The following AGBL5 variants were observed in gnomAD, a reference collection of about 807,000 sequenced individuals.
The protein encoded by AGBL5 is AGBL carboxypeptidase 5, also known as cytosolic carboxypeptidase-like protein 5.
Under a neutral mutation model 88.0 loss-of-function variants are expected in AGBL5, and 51 were observed. The ratio of observed to expected loss-of-function variants is 0.58; its 90% CI spans 0.46 to 0.73. The LOEUF (loss-of-function observed/expected upper bound fraction) is 0.73, where lower values mean the gene tolerates loss of function less well. Among genes scored for constraint, AGBL5 ranks in the 30% least tolerant of loss-of-function variants. The pLI is 0.00. For missense variants in AGBL5, 1,031 were observed against 1,162.2 expected (o/e 0.89, Z 1.64); for synonymous variants, 446 against 438.8 (o/e 1.02, Z -0.21).
At chr2:27,052,877 C>T (rs1293035898) in intron 1 of AGBL5, 36 bp from the exon 2 acceptor site, 2 of 1,282,170 alleles carry the variant, frequency 1.6e-6, no homozygotes, top group African/African-American at 3.0e-5. Flanking sequence ...ATTTGTCTTC[C>T]CTTTCCTCCT....
intron 11 of AGBL5, among the ~76,000 whole-genome samples, chr2:27,064,070 T>G (rs1171295683): frequency 6.6e-6 from 1 of 152,202 alleles, no homozygotes; most frequent in African/African-American, 2.4e-5. Context: ...AACTATTTCC[T>G]CTATCAAGTT....
Position 27,053,414 on chromosome 2 carries a change from C to A in AGBL5, c.228C>A (p.Tyr76Ter). The change falls in exon 3 of 15, where the codon TAC (tyrosine) becomes TAA (stop). Residue 76 changes from tyrosine to a stop codon, truncating the protein, a stop_gained. Coordinates refer to ENST00000360131, the MANE Select transcript of AGBL5 (RefSeq NM_021831.6). LOFTEE classifies it high-confidence loss of function. This position sits in a 1 kb window ranked among gnomAD's most constrained non-coding sequence, Gnocchi z 4.9. Reference sequence around the variant, plus strand: ...CTCTGGTCCTCAGGTCATGGTTCTACTTCAGCGTCCGGGGAGGAATGCCAG... The same window carrying A: ...CTCTGGTCCTCAGGTCATGGTTCTAATTCAGCGTCCGGGGAGGAATGCCAG... ...EFENGNRSWFYFSVRGGMPGK... is the reference protein window; with the variant it reads ...EFENGNRSWF The A allele has an allele frequency of 6.2e-7, 1 of 1,614,090 alleles. No homozygotes were observed. The highest frequency in any genetic ancestry group is 8.5e-7 in the Non-Finnish European group (1 of 1,179,986).
intron 11 of AGBL5, among the ~76,000 whole-genome samples, chr2:27,064,916 G>C (rs765912831): frequency 1.3e-5 from 2 of 151,744 alleles, no homozygotes; most frequent in South Asian, 4.2e-4. Flanking sequence ...ACCACGCCTG[G>C]CTAATTTTTT....
intron 12 of AGBL5, 38 bp downstream of exon 12, chr2:27,067,684 C>A: frequency 6.2e-7 from 1 of 1,602,420 alleles, no homozygotes; most frequent in South Asian, 1.1e-5. Context: ...GGTTTGCCAG[C>A]CTCCTCCATG....
chr2:27,065,397 C>T (rs1021530276), intron 11 of AGBL5, among the ~76,000 whole-genome samples: 1 of 152,114 alleles, frequency 6.6e-6, no homozygotes, highest in Non-Finnish European at 1.5e-5. Flanking sequence ...GAGACAGCTG[C>T]CCCAAAGGAT....
rs190093166 is a variant in AGBL5 at position 27,070,350 on chromosome 2, C to T, written c.*87C>T. 4.9e-4 allele frequency: 676 copies of T among 1,392,384 alleles called. No homozygotes were observed. In the African/African-American group the frequency reaches 8.5e-3, roughly 18 times the overall value. 86.3% of individuals were successfully genotyped at this position (1,392,384 alleles called of 1,614,324 possible). ...CTAGTTCCCCTCCAGGCCGCTGATT[C>T]CATGTGACAGCCGTTAAGTCCTTGG... On this transcript the variant is annotated 3_prime_UTR_variant, in exon 15 of 15. Transcript: ENST00000360131.
upstream of AGBL5, among the ~76,000 whole-genome samples, chr2:27,051,248 G>A (rs1668113775): frequency 2.0e-5 from 3 of 152,318 alleles, no homozygotes; most frequent in Non-Finnish European, 2.9e-5. Flanking sequence ...CGCTCGCTTA[G>A]CATGCGAGAG....
Position 27,055,814 on chromosome 2 carries a change from C to T in AGBL5, c.1041C>T (p.Ser347=). 1 of 1,614,206 alleles carries T rather than the reference C, an allele frequency of 6.2e-7. No homozygotes were observed. The highest frequency in any genetic ancestry group is 1.3e-5 in the African/African-American group (1 of 75,038). The stretch of plus-strand genomic sequence containing the variant: ...ACTCTCGTCTGAACTCCCAGAGTTC[C>T]TCTGAGCACCAGCCCAGTTCCTGTC... ...HVHSRLNSQS[S]SEHQPSSCLP... is the part of the protein sequence containing the mutation. Residue 347 remains serine, a synonymous_variant, in exon 7 of 15, where the codon TCC becomes TCT. Transcript: ENST00000360131.
At position 27,053,405 on chromosome 2, in the gene AGBL5, A is replaced by T. The variant is rs771661363; in HGVS notation, c.219A>T (p.Ser73=). 1 of 1,613,982 alleles carries T rather than the reference A, an allele frequency of 6.2e-7. No homozygotes were observed. ...TCTCTCTTACTCTGGTCCTCAGGTC[A>T]TGGTTCTACTTCAGCGTCCGGGGAG... The part of the protein sequence containing the change: ...AETEFENGNR[S]WFYFSVRGGM... Residue 73 remains serine, a synonymous_variant, in exon 3 of 15, where the codon TCA becomes TCT. Coordinates refer to ENST00000360131, the MANE Select transcript of AGBL5 (RefSeq NM_021831.6). This position sits in a 1 kb window ranked among gnomAD's most constrained non-coding sequence, Gnocchi z 4.9.
intron 9 of AGBL5, 60 bp downstream of exon 9, chr2:27,057,498 A>C (rs1472263767): frequency 2.0e-6 from 3 of 1,522,756 alleles, no homozygotes; most frequent in Non-Finnish European, 2.7e-6. Flanking sequence ...AAAGGCCTTC[A>C]CTCTTAGTGC....
chr2:27,055,424 T>G, intron 6 of AGBL5, 171 bp downstream of exon 6: 1 of 1,019,862 alleles, frequency 9.8e-7, no homozygotes, highest in Non-Finnish European at 1.4e-6. Context: ...CTAGTGGCAC[T>G]CCCAGAAAGG....
At chr2:27,061,978 A>G (rs1668738554) in intron 11 of AGBL5, among the ~76,000 whole-genome samples, 1 of 151,758 alleles carries the variant, frequency 6.6e-6, no homozygotes, top group Non-Finnish European at 1.5e-5. Flanking sequence ...ACGCCCAACA[A>G]ATTTTTTGTA....
chr2:27,056,239 G>A, intron 7 of AGBL5, 101 bp downstream of exon 7: 4 of 1,311,228 alleles, frequency 3.1e-6, no homozygotes. Flanking sequence ...GTAGCTTTCT[G>A]GAAGGAAGGC....
Position 27,053,429 on chromosome 2 carries a change from A to T in AGBL5, c.243A>T (p.Gly81=). 6.2e-7 allele frequency: 1 copy of T among 1,614,064 alleles called. No homozygotes were observed. Among genetic ancestry groups the T allele is most frequent in the East Asian group, 2.2e-5 (1 of 44,874 alleles). The part of the protein sequence containing the change: ...NRSWFYFSVR[G]GMPGKLIKIN... Reference sequence around the variant, plus strand: ...CATGGTTCTACTTCAGCGTCCGGGGAGGAATGCCAGGAAAACTCATCAAGA... The same window carrying T: ...CATGGTTCTACTTCAGCGTCCGGGGTGGAATGCCAGGAAAACTCATCAAGA... Residue 81 remains glycine, a synonymous_variant, in exon 3 of 15, where the codon GGA becomes GGT. Transcript: ENST00000360131. The surrounding 1 kb of genome is among the most constrained non-coding windows in gnomAD (Gnocchi z 4.9).
chr2:27,070,232 C>G lies in AGBL5; in HGVS notation c.2630C>G (p.Ser877Cys). The change falls in exon 15 of 15, where the codon TCT becomes TGT. Residue 877 changes from serine to cysteine, a missense_variant. Ser to Cys is a moderately radical substitution (Grantham distance 112, BLOSUM62 -1). Around this residue, in one of 2 missense-constraint regions of AGBL5, gnomAD observed 491 missense variants for 484.0 expected, o/e 1.01. Transcript: ENST00000360131. ...GQPEVCFVPK[S>C]PPLTVSPRV is the part of the protein sequence containing the mutation. ...CCTGAGGTTTGTTTTGTCCCTAAATCTCCCCCACTGACTGTTTCTCCCCGG... is the reference window on the plus strand; with the variant it reads ...CCTGAGGTTTGTTTTGTCCCTAAATGTCCCCCACTGACTGTTTCTCCCCGG... The G allele has an allele frequency of 6.2e-7, 1 of 1,614,220 alleles. No individual in the cohort carries two copies. Among genetic ancestry groups the G allele is most frequent in the Non-Finnish European group, 8.5e-7 (1 of 1,180,032 alleles).
At chr2:27,050,909 T>G (rs1423539946), upstream of AGBL5, 1 of 152,188 alleles carries the variant, frequency 6.6e-6, no homozygotes, top group African/African-American at 2.4e-5. Flanking sequence ...AATTCAATTA[T>G]CCCATAAGGG....
At chr2:27,065,349 G>A (rs1393262680) in intron 11 of AGBL5, among the ~76,000 whole-genome samples, 1 of 152,070 alleles carries the variant, frequency 6.6e-6, no homozygotes, top group East Asian at 1.9e-4. Context: ...CCACCCTTCA[G>A]AACTTGTAGT....
At chr2:27,063,214 G>C (rs1019523563) in intron 11 of AGBL5, among the ~76,000 whole-genome samples, 3 of 152,198 alleles carry the variant, frequency 2.0e-5, no homozygotes, top group Non-Finnish European at 4.4e-5. Flanking sequence ...TATGCCCTTA[G>C]CATCTAGTCC....
chr2:27,059,317 C>T lies in AGBL5; in HGVS notation c.2002C>T (p.Pro668Ser). The stretch of plus-strand genomic sequence containing the variant: ...ACAGATGAAGAATTCCCCCAGCTTT[C>T]CTTTTCATGGCAGTCGGCCTGCAGG... ...SPQMKNSPSF[P>S]FHGSRPAGLP... Residue 668 changes from proline (P) to serine (S), a missense_variant, in exon 11 of 15, where the codon CCT (proline) becomes TCT (serine). Transcript: ENST00000360131. 6.2e-7 allele frequency: 1 copy of T among 1,614,242 alleles called. No homozygotes were observed. The highest frequency in any genetic ancestry group is 1.6e-4 in the Middle Eastern group (1 of 6,062).
Sources: gnomAD v4.1 joint callset for allele counts (sites outside exome capture counted in the v4.1 genomes callset) on GRCh38, gnomAD v4.1.1 for gene constraint, gnomAD v4.1.1 regional missense constraint, Gnocchi (gnomAD v3.1) non-coding constraint, MANE v1.5 for transcripts, NCBI Gene and HGNC (gene_info 2026-07-23, HGNC 2026-07-21) for gene names.